Variants in RAB7A observed in about 807,000 individuals in gnomAD.
The protein encoded by RAB7A is ras-related protein Rab-7a.
RAB7A carries 2 observed loss-of-function variants against 24.5 expected under a neutral mutation model. That is an observed-to-expected ratio of 0.08 (90% CI 0.03 to 0.26). The LOEUF is 0.26. Ranked by LOEUF, RAB7A falls within the 10% of genes least tolerant of loss-of-function variation. RAB7A has a pLI of 1.00. For missense variants in RAB7A, 118 were observed against 255.7 expected, an observed-to-expected ratio of 0.46 and a Z score of 3.67; for synonymous variants, 100 against 95.9, an observed-to-expected ratio of 1.04 and a Z score of -0.25.
intron 1 of RAB7A, among the ~76,000 whole-genome samples, chr3:128,773,460 G>A (rs559956215): frequency 0.013 from 1,938 of 145,190 alleles, 31 homozygotes; most frequent in African/African-American, 0.04. Flanking sequence ...CGCCCCGTCC[G>A]GGAGGGAGGT....
chr3:128,791,152 T>G (rs1410290662), intron 1 of RAB7A, among the ~76,000 whole-genome samples: 1 of 152,182 alleles, frequency 6.6e-6, no homozygotes, highest in Non-Finnish European at 1.5e-5. Context: ...TTGTTTGTTT[T>G]TTTTTTTAAA....
intron 1 of RAB7A, among the ~76,000 whole-genome samples, chr3:128,782,693 A>G (rs548158261): frequency 6.8e-6 from 1 of 146,692 alleles, no homozygotes; most frequent in East Asian, 2.0e-4. Context: ...GGGTGGGGGA[A>G]GTGCCCAGGC....
At chr3:128,792,860 T>TATTTATTC (rs1553721733) in intron 1 of RAB7A, among the ~76,000 whole-genome samples, 473 of 120,634 alleles carry the variant, frequency 3.9e-3, no homozygotes, top group Middle Eastern at 8.5e-3. Flanking sequence ...TTTATTTATT[T>TATTTATTC]ATTCATTTGA....
At chr3:128,734,794 C>T (rs553452814) in intron 1 of RAB7A, among the ~76,000 whole-genome samples, 12 of 152,300 alleles carry the variant, frequency 7.9e-5, no homozygotes, top group African/African-American at 2.9e-4. Context: ...CTTTTGGCTG[C>T]GTGATCTTCA....
chr3:128,798,897 G>A, intron 3 of RAB7A: 1 of 301,152 alleles, frequency 3.3e-6, no homozygotes, highest in Admixed American at 3.9e-5. Flanking sequence ...CATGGTCCAT[G>A]ATGCCAGCTG....
intron 1 of RAB7A, among the ~76,000 whole-genome samples, chr3:128,758,465 C>T (rs1205815274): frequency 7.3e-5 from 11 of 151,556 alleles, no homozygotes; most frequent in African/African-American, 2.7e-4. Flanking sequence ...TTAGTAGAGA[C>T]GGGGTTTCAT....
chr3:128,794,724 G>T (rs1358281189), intron 1 of RAB7A, among the ~76,000 whole-genome samples: 2 of 152,122 alleles, frequency 1.3e-5, no homozygotes, highest in African/African-American at 4.8e-5. Flanking sequence ...AGACAAGGCT[G>T]CCTGAAAGAT....
intron 1 of RAB7A, among the ~76,000 whole-genome samples, chr3:128,771,162 G>A (rs1031945620): frequency 2.6e-5 from 4 of 152,064 alleles, no homozygotes; most frequent in African/African-American, 9.7e-5. Flanking sequence ...TAGAGACGGG[G>A]TTTTCATCAT....
intron 1 of RAB7A, chr3:128,764,853 G>A (rs1175493859): frequency 6.1e-6 from 7 of 1,143,882 alleles, no homozygotes; most frequent in Non-Finnish European, 9.1e-6. Flanking sequence ...GGTGAAGAAA[G>A]TATGTGGCAA....
chr3:128,801,732 T>C (rs1182945488), intron 3 of RAB7A, among the ~76,000 whole-genome samples: 1 of 151,732 alleles, frequency 6.6e-6, no homozygotes, highest in Non-Finnish European at 1.5e-5. Context: ...TCTCAGAAGG[T>C]GTAAAGAGAG....
chr3:128,742,748 C>G (rs1321412123), intron 1 of RAB7A, among the ~76,000 whole-genome samples: 1 of 151,988 alleles, frequency 6.6e-6, no homozygotes, highest in African/African-American at 2.4e-5. Context: ...TAAAGGTTCT[C>G]CAAGTCCCCA....
chr3:128,812,847 T>C (rs1289969520), intron 5 of RAB7A, among the ~76,000 whole-genome samples: 2 of 152,202 alleles, frequency 1.3e-5, no homozygotes, highest in South Asian at 2.1e-4. Flanking sequence ...TGTTACAGGC[T>C]GAGAGGGCAG....
intron 1 of RAB7A, among the ~76,000 whole-genome samples, chr3:128,730,493 G>A (rs1390675706): frequency 6.6e-6 from 1 of 152,174 alleles, no homozygotes; most frequent in Non-Finnish European, 1.5e-5. Flanking sequence ...CTCCCAAAGT[G>A]CTGGAATTAC....
intron 1 of RAB7A, among the ~76,000 whole-genome samples, chr3:128,730,479 C>T (rs113762328): frequency 0.025 from 3,848 of 152,282 alleles, 79 homozygotes; most frequent in South Asian, 0.045. Context: ...CCACCCGCCT[C>T]GGCCTCCCAA....
chr3:128,806,662 T>C (rs1933810463), intron 4 of RAB7A, 72 bp downstream of exon 4: 10 of 1,412,680 alleles, frequency 7.1e-6, no homozygotes, highest in Non-Finnish European at 9.9e-6. Flanking sequence ...TGGAGGGTTC[T>C]CTGCTAAGCT....
chr3:128,805,436 T>C lies in RAB7A; in HGVS notation c.181-936T>C, dbSNP rs186567340. Among the ~76,000 whole-genome samples the C allele has an allele frequency of 5.3e-5, 8 of 152,260 alleles. No homozygotes were observed. In the East Asian group the frequency reaches 1.5e-3, roughly 29 times the overall value. ...AGTGCCTGTTACGGATCTAGGGCAGTAAGTATACCCAGCCTTGCTCTTAAA... is the reference window on the plus strand; with the variant it reads ...AGTGCCTGTTACGGATCTAGGGCAGCAAGTATACCCAGCCTTGCTCTTAAA... On this transcript the variant is annotated intron_variant, in intron 3 of 5. Coordinates refer to ENST00000265062, the MANE Select transcript of RAB7A (RefSeq NM_004637.6).
chr3:128,802,311 T>C (rs1427971423), intron 3 of RAB7A, among the ~76,000 whole-genome samples: 3 of 152,154 alleles, frequency 2.0e-5, no homozygotes, highest in East Asian at 3.8e-4. Context: ...TTGATTAGTA[T>C]CTTAGATGGA....
chr3:128,801,756 AGAT>A (rs1302438327), intron 3 of RAB7A, among the ~76,000 whole-genome samples: 3 of 152,232 alleles, frequency 2.0e-5, no homozygotes, highest in Non-Finnish European at 4.4e-5. Flanking sequence ...AATAGATCAA[AGAT>A]GATATTTGCT....
intron 1 of RAB7A, among the ~76,000 whole-genome samples, chr3:128,739,918 T>G (rs756175281): frequency 1.3e-5 from 2 of 151,788 alleles, no homozygotes; most frequent in Non-Finnish European, 2.9e-5. Flanking sequence ...AATACAAAAT[T>G]AGCCGGGCAT....
Sources: allele counts gnomAD v4.1 joint callset (sites outside exome capture counted in the v4.1 genomes callset), GRCh38; gene constraint gnomAD v4.1.1; transcripts MANE v1.5; gene names NCBI Gene and HGNC (gene_info 2026-07-23, HGNC 2026-07-21).